The following MYO15A variants were observed in gnomAD, a reference collection of about 807,000 sequenced individuals.
MYO15A encodes myosin XVA.
A neutral mutation model predicts 394.6 loss-of-function variants in MYO15A; 308 were observed. That is an observed-to-expected ratio of 0.78 (90% CI 0.71 to 0.86). The LOEUF is 0.86. Ranked by LOEUF, MYO15A falls within the 40% of genes least tolerant of loss-of-function variation. The probability of loss-of-function intolerance (pLI) is 0.00; values close to 1 mark genes in which losing one functional copy is unlikely to be tolerated. For synonymous variants in MYO15A, 1,957 were observed against 2,003.8 expected, an observed-to-expected ratio of 0.98 and a Z score of 0.62; for missense variants, 4,606 against 4,799.1, an observed-to-expected ratio of 0.96 and a Z score of 1.19.
At chr17:18,112,613 G>T (rs533949428) in intron 1 of MYO15A, among the ~76,000 whole-genome samples, 1 of 152,294 alleles carries the variant, frequency 6.6e-6, no homozygotes, top group African/African-American at 2.4e-5. Flanking sequence ...TTGCCATATT[G>T]TCTGGGCTGG....
At chr17:18,156,003 A>G in intron 47 of MYO15A, 192 bp from the exon 48 acceptor site, 1 of 744,648 alleles carries the variant, frequency 1.3e-6, no homozygotes. Context: ...AAAGGGTGGT[A>G]GGAACTGAGC....
intron 60 of MYO15A, among the ~76,000 whole-genome samples, chr17:18,166,112 T>A (rs2046850211): frequency 6.6e-6 from 1 of 152,226 alleles, no homozygotes; most frequent in African/African-American, 2.4e-5. Context: ...AATGGAGCAT[T>A]ACTTAAAGCT....
At position 18,131,482 on chromosome 17, in the gene MYO15A, G is replaced by A; in HGVS notation, c.4157G>A (p.Gly1386Asp). The change falls in exon 10 of 66, where the codon GGT (glycine) becomes GAT (aspartate). Residue 1386 changes from glycine to aspartate, a missense_variant. Transcript: ENST00000647165. The stretch of plus-strand genomic sequence containing the variant: ...CCCCACCCCAGGGGCGTGATCTCTG[G>A]TGCCATAACCTCCCAGTACCTGCTT... ...EIFLEGGVIS[G>D]AITSQYLLEK... 3 of 1,613,802 alleles carry A rather than the reference G, an allele frequency of 1.9e-6. No homozygotes were observed. Among genetic ancestry groups the A allele is most frequent in the Non-Finnish European group, 2.5e-6 (3 of 1,179,952 alleles).
At chr17:18,112,821 T>G (rs183361590) in intron 1 of MYO15A, among the ~76,000 whole-genome samples, 249 of 151,070 alleles carry the variant, frequency 1.6e-3, no homozygotes, top group Non-Finnish European at 2.9e-4. Context: ...ACTATTCTCA[T>G]TAATTTCTTA....
Position 18,120,387 on chromosome 17 carries a change from C to T in MYO15A, c.1587C>T (p.His529=), listed in dbSNP as rs760917575. 1 of 1,611,030 alleles carries T rather than the reference C, an allele frequency of 6.2e-7. No individual in the cohort carries two copies. The highest frequency in any genetic ancestry group is 1.7e-5 in the Admixed American group (1 of 59,944). The change falls in exon 2 of 66, where the codon CAC becomes CAT. Residue 529 remains histidine (H), a synonymous_variant. Coordinates refer to ENST00000647165, the MANE Select transcript of MYO15A (RefSeq NM_016239.4). ...LPPVSAVPYG[H]PFWGFLTPRQ... is the part of the protein sequence containing the mutation. ...CGGTTTCCGCTGTGCCCTACGGCCA[C>T]CCTTTCTGGGGCTTCCTCACGCCGC...
At chr17:18,134,230 C>T (rs1401155333) in intron 12 of MYO15A, among the ~76,000 whole-genome samples, 1 of 152,050 alleles carries the variant, frequency 6.6e-6, no homozygotes, top group Non-Finnish European at 1.5e-5. Flanking sequence ...CCTCGTGATC[C>T]GCCCACCTCG....
rs964336018 is a variant in MYO15A at position 18,120,521 on chromosome 17, G to A, written c.1721G>A (p.Arg574Gln). Residue 574 changes from arginine (R) to glutamine (Q), a missense_variant, in exon 2 of 66, where the codon CGG becomes CAG. Physicochemically the swap from Arg to Gln is conservative, Grantham distance 43. Coordinates refer to ENST00000647165, the MANE Select transcript of MYO15A (RefSeq NM_016239.4). ...PVPRPATSLA[R>Q]FLKKTLSEKK... is the part of the protein sequence containing the mutation. The stretch of plus-strand genomic sequence containing the variant: ...CCTCGCCCTGCCACCTCGCTTGCGC[G>A]GTTCCTCAAGAAGACGCTGTCGGAG... The A allele has an allele frequency of 5.7e-6, 9 of 1,588,680 alleles. No homozygotes were observed. The highest frequency in any genetic ancestry group is 7.7e-6 in the Non-Finnish European group (9 of 1,170,608).
Position 18,151,422 on chromosome 17 carries a change from A to C in MYO15A, c.7682A>C (p.Tyr2561Ser). Residue 2561 changes from tyrosine to serine, a missense_variant, in exon 40 of 66, where the codon TAC becomes TCC. Physicochemically the swap from Tyr to Ser is moderately radical, Grantham distance 144. This residue lies in a region of MYO15A where 2,776 missense variants were observed against 3,109.3 expected (regional missense o/e 0.89). Transcript: ENST00000647165. ...TCACCCTCCCCAGAGCTGGTCCGGT[A>C]CTCTACGCTCAACTCTGAGCACTTC... Reference protein sequence around the residue: ...TTSPSPELVRYSTLNSEHFPQ... With the variant: ...TTSPSPELVRSSTLNSEHFPQ... 6.2e-7 allele frequency: 1 copy of C among 1,613,958 alleles called. No homozygotes were observed. The highest frequency in any genetic ancestry group is 8.5e-7 in the Non-Finnish European group (1 of 1,179,990).
At chr17:18,130,084 T>TTCA (rs797020030) in intron 7 of MYO15A, among the ~76,000 whole-genome samples, 5 of 152,322 alleles carry the variant, frequency 3.3e-5, no homozygotes, top group African/African-American at 1.2e-4. Flanking sequence ...TTTCACCATG[T>TTCA]TGGTCAGGAT....
intron 51 of MYO15A, 31 bp downstream of exon 51, chr17:18,157,931 G>GGCC: frequency 2.4e-6 from 1 of 412,720 alleles, no homozygotes; most frequent in African/African-American, 2.1e-5. Context: ...GTGGGGCGGG[G>GGCC]TAGACCAGGG....
Position 18,131,664 on chromosome 17 carries a change from G to T in MYO15A, c.4206+133G>T, listed in dbSNP as rs540740963. The T allele has an allele frequency of 2.6e-6, 3 of 1,137,524 alleles. No homozygotes were observed. The South Asian group carries it at 4.0e-5, about 15-fold the overall frequency. 70.5% of individuals were successfully genotyped at this position (1,137,524 alleles called of 1,614,324 possible). ...CGAATACATGCGTACATGTGTACATGTGAGCCCAGGACCTCCCCTCCCCGA... is the reference window on the plus strand; with the variant it reads ...CGAATACATGCGTACATGTGTACATTTGAGCCCAGGACCTCCCCTCCCCGA... On this transcript the variant is annotated intron_variant, in intron 10 of 65. Coordinates refer to ENST00000647165, the MANE Select transcript of MYO15A (RefSeq NM_016239.4).
rs747326299 is a variant in MYO15A at position 18,149,285 on chromosome 17, C to A, written c.7026C>A (p.Pro2342=). 3 of 1,613,842 alleles carry A rather than the reference C, an allele frequency of 1.9e-6. No homozygotes were observed. In the South Asian group the frequency reaches 3.3e-5, roughly 18 times the overall value. The change falls in exon 34 of 66, where the codon CCC becomes CCA. Residue 2342 remains proline, a synonymous_variant. Transcript: ENST00000647165. ...STRPQPQEHM[P]KVLDSDGYSS... is the part of the protein sequence containing the mutation. The stretch of plus-strand genomic sequence containing the variant: ...GACCCCAGCCCCAGGAGCACATGCC[C>A]AAAGTACTTGACTCTGATGGGTACA...
chr17:18,148,982 A>G lies in MYO15A; in HGVS notation c.6956+30A>G. On this transcript the variant is annotated intron_variant, in intron 33 of 65. Coordinates refer to ENST00000647165, the MANE Select transcript of MYO15A (RefSeq NM_016239.4). This position sits in a 1 kb window ranked among gnomAD's most constrained non-coding sequence, Gnocchi z 4.8. ...GTAGCTATGGGGGACCCCCTCACAG[A>G]TGGCCACTCCCAGGCAGAAGGCCGG... 1 of 1,560,748 alleles carries G rather than the reference A, an allele frequency of 6.4e-7. No homozygotes were observed. The highest frequency in any genetic ancestry group is 8.7e-7 in the Non-Finnish European group (1 of 1,153,360).
At chr17:18,178,383 AG>A in intron 65 of MYO15A, 1 of 323,704 alleles carries the variant, frequency 3.1e-6, no homozygotes, top group Non-Finnish European at 6.1e-6. Context: ...AAAAAAAAAA[AG>A]AATTTACATG....
At chr17:18,114,660 G>A (rs1462387081) in intron 1 of MYO15A, among the ~76,000 whole-genome samples, 1 of 152,176 alleles carries the variant, frequency 6.6e-6, no homozygotes, top group Non-Finnish European at 1.5e-5. Flanking sequence ...CTAAGGAGCT[G>A]CATCCATTAG....
At position 18,150,341 on chromosome 17, in the gene MYO15A, G is replaced by A; in HGVS notation, c.7213-88G>A. ...GGCTGCCCCCTCCCACGAGAGGGTG[G>A]GGAAGAGGCCAGTGTCAGGTGCCTG... is the stretch of plus-strand genomic sequence containing the variant. On this transcript the variant is annotated intron_variant, in intron 35 of 65. Coordinates refer to ENST00000647165, the MANE Select transcript of MYO15A (RefSeq NM_016239.4). This position sits in a 1 kb window ranked among gnomAD's most constrained non-coding sequence, Gnocchi z 4.4. 8.2e-7 allele frequency: 1 copy of A among 1,213,654 alleles called. No individual in the cohort carries two copies. Among genetic ancestry groups the A allele is most frequent in the Non-Finnish European group, 1.2e-6 (1 of 822,712 alleles). 75.2% of individuals were successfully genotyped at this position (1,213,654 alleles called of 1,614,324 possible).
intron 22 of MYO15A, 75 bp from the exon 23 acceptor site, chr17:18,141,578 G>T: frequency 7.2e-7 from 1 of 1,397,776 alleles, no homozygotes; most frequent in Non-Finnish European, 1.0e-6. Flanking sequence ...CCTGGCTGGG[G>T]GCAGTAACCC....
Position 18,132,386 on chromosome 17 carries a change from G to T in MYO15A, c.4207-67G>T. On this transcript the variant is annotated intron_variant, in intron 10 of 65. Transcript: ENST00000647165. The surrounding 1 kb of genome is among the most constrained non-coding windows in gnomAD (Gnocchi z 4.6). ...TGCACTTGTGGGCAGGCTTGGGCTT[G>T]TATGTGTGCCTGGGGGTCACCTAGG... is the stretch of plus-strand genomic sequence containing the variant. 2.4e-6 allele frequency: 3 copies of T among 1,275,616 alleles called. No individual in the cohort carries two copies. The highest frequency in any genetic ancestry group is 3.4e-6 in the Non-Finnish European group (3 of 876,894). 79.0% of individuals were successfully genotyped at this position (1,275,616 alleles called of 1,614,324 possible).
At chr17:18,108,981 G>C (rs931901227) in intron 1 of MYO15A, 157 bp downstream of exon 1, 3 of 152,474 alleles carry the variant, frequency 2.0e-5, no homozygotes, top group Admixed American at 6.5e-5. Flanking sequence ...TCATCTGTGA[G>C]GGGTGTGATG....
Sources: gnomAD v4.1 joint callset for allele counts (sites outside exome capture counted in the v4.1 genomes callset) on GRCh38, gnomAD v4.1.1 for gene constraint, gnomAD v4.1.1 regional missense constraint, Gnocchi (gnomAD v3.1) non-coding constraint, MANE v1.5 for transcripts, NCBI Gene and HGNC (gene_info 2026-07-23, HGNC 2026-07-21) for gene names.